The following NCOR1 variants were observed in gnomAD, a reference collection of about 807,000 sequenced individuals.
NCOR1 encodes the protein protein phosphatase 1, regulatory subunit 109.
Under a neutral mutation model 288.1 loss-of-function variants are expected in NCOR1, and 63 were observed. That is an observed-to-expected ratio of 0.22 (90% CI 0.18 to 0.27). The LOEUF is 0.27. Ranked by LOEUF, NCOR1 falls within the 10% of genes least tolerant of loss-of-function variation. The pLI is 1.00. For synonymous variants in NCOR1, 1,007 were observed against 1,065.9 expected, an observed-to-expected ratio of 0.94 and a Z score of 1.08; for missense variants, 2,397 against 3,019.2, an observed-to-expected ratio of 0.79 and a Z score of 4.83.
At chr17:16,121,962 G>A (rs924838481) in intron 15 of NCOR1, among the ~76,000 whole-genome samples, 1 of 152,158 alleles carries the variant, frequency 6.6e-6, no homozygotes, top group African/African-American at 2.4e-5. Context: ...TCTGTACAAT[G>A]AGAAAAAGTT....
intron 3 of NCOR1, among the ~76,000 whole-genome samples, chr17:16,184,417 T>G (rs990951451): frequency 1.3e-5 from 2 of 152,204 alleles, no homozygotes; most frequent in African/African-American, 4.8e-5. Context: ...TGAATAGACA[T>G]TTCTCAAAAG....
chr17:16,030,023 CTT>C lies in NCOR1; in HGVS notation c.*2271_*2272del, dbSNP rs1026338067. 5.8e-6 allele frequency: 1 copy of C among 171,874 alleles called. No homozygotes were observed. The highest frequency in any genetic ancestry group is 1.3e-5 in the Non-Finnish European group (1 of 79,424). The allele number at this position is 171,874 out of a possible 1,614,324, so 10.6% of individuals were successfully genotyped here. On this transcript the variant is annotated 3_prime_UTR_variant, in exon 46 of 46. Transcript: ENST00000268712. Reference sequence around the variant, plus strand: ...TAAGTAGTCAAAAATCCACATCTAACTTTGACTCCTCCAAAACTTAACTACTC... The same window carrying C: ...TAAGTAGTCAAAAATCCACATCTAACTGACTCCTCCAAAACTTAACTACTC...
chr17:16,137,240 T>C, intron 14 of NCOR1, 71 bp downstream of exon 14: 1 of 916,796 alleles, frequency 1.1e-6, no homozygotes, highest in Non-Finnish European at 1.7e-6. Flanking sequence ...GCAGGACTTC[T>C]GTTTTAACAC....
intron 29 of NCOR1, among the ~76,000 whole-genome samples, chr17:16,071,884 TTGAGA>T (rs1223508895): frequency 6.6e-6 from 1 of 152,240 alleles, no homozygotes; most frequent in African/African-American, 2.4e-5. Flanking sequence ...TTAGGGTTGC[TTGAGA>T]TATGATATTA....
At chr17:16,182,150 A>G (rs1028835294) in intron 3 of NCOR1, among the ~76,000 whole-genome samples, 1 of 152,206 alleles carries the variant, frequency 6.6e-6, no homozygotes, top group African/African-American at 2.4e-5. Context: ...CAATATTCAT[A>G]GTCTATAAAA....
chr17:16,033,394 A>T (rs951520894), intron 45 of NCOR1, among the ~76,000 whole-genome samples: 1 of 152,088 alleles, frequency 6.6e-6, no homozygotes, highest in Non-Finnish European at 1.5e-5. Flanking sequence ...TCAAATAATA[A>T]ATCTCATGTA....
intron 3 of NCOR1, among the ~76,000 whole-genome samples, chr17:16,175,612 C>T (rs534788513): frequency 1.3e-5 from 2 of 151,942 alleles, no homozygotes; most frequent in African/African-American, 4.8e-5. Context: ...CCCTGGTTGC[C>T]GGATGTAGTG....
chr17:16,032,335 G>C lies in NCOR1; in HGVS notation c.7284C>G (p.Leu2428=), dbSNP rs531315363. The C allele has an allele frequency of 2.5e-6, 4 of 1,614,136 alleles. No homozygotes were observed. The highest frequency in any genetic ancestry group is 4.5e-5 in the East Asian group (2 of 44,880). Reference sequence around the variant, plus strand: ...CCGACAGGGTCTCGTACTGTGCTGAGAGCAGTGGGGCAGGCTCTCGCTCCC... The same window carrying C: ...CCGACAGGGTCTCGTACTGTGCTGACAGCAGTGGGGCAGGCTCTCGCTCCC... ...RIWEREPAPL[L]SAQYETLSDS... is the part of the protein sequence containing the mutation. The change falls in exon 46 of 46, where the codon CTC becomes CTG. Residue 2428 remains leucine, a synonymous_variant. Coordinates refer to ENST00000268712, the MANE Select transcript of NCOR1 (RefSeq NM_006311.4).
At chr17:16,104,527 T>C (rs2068225783) in intron 19 of NCOR1, among the ~76,000 whole-genome samples, 1 of 152,140 alleles carries the variant, frequency 6.6e-6, no homozygotes, top group South Asian at 2.1e-4. Flanking sequence ...TCCCAGCACT[T>C]TGGGAAGTTA....
intron 19 of NCOR1, chr17:16,108,290 A>G: frequency 3.2e-6 from 1 of 317,232 alleles, no homozygotes; most frequent in Non-Finnish European, 6.4e-6. Context: ...CTTTCCATGA[A>G]CTTGTCATTA....
chr17:16,081,623 G>A (rs1381733448), intron 23 of NCOR1, among the ~76,000 whole-genome samples: 1 of 152,160 alleles, frequency 6.6e-6, no homozygotes, highest in African/African-American at 2.4e-5. Context: ...TGACTTCTCT[G>A]TTGGTTCTCT....
intron 1 of NCOR1, among the ~76,000 whole-genome samples, chr17:16,206,572 G>A (rs1225372147): frequency 6.6e-6 from 1 of 152,112 alleles, no homozygotes; most frequent in African/African-American, 2.4e-5. Context: ...TTTTAGTAGA[G>A]ATAGGGTTTC....
intron 17 of NCOR1, 145 bp downstream of exon 17, chr17:16,119,278 G>T (rs927262572): frequency 1.9e-5 from 10 of 516,694 alleles, no homozygotes; most frequent in Non-Finnish European, 3.3e-5. Flanking sequence ...TACCAGAAAA[G>T]AACTCTTAAA....
At chr17:16,065,446 T>C (rs762527137) in intron 33 of NCOR1, 39 bp downstream of exon 33, 6 of 1,598,030 alleles carry the variant, frequency 3.8e-6, no homozygotes, top group Non-Finnish European at 5.1e-6. Context: ...TAGGTAAACA[T>C]AATAAATTCT....
At chr17:16,207,203 G>T (rs186059869) in intron 1 of NCOR1, among the ~76,000 whole-genome samples, 301 of 152,236 alleles carry the variant, frequency 2.0e-3, no homozygotes, top group Middle Eastern at 0.01. Flanking sequence ...AAACATCTTT[G>T]AACAGAAACT....
In NCOR1 at chr17:16,064,930, T is replaced by C. The variant is rs373987151; in HGVS notation, c.5041A>G (p.Ile1681Val). The C allele has an allele frequency of 5.0e-6, 8 of 1,613,822 alleles. No homozygotes were observed. The highest frequency in any genetic ancestry group is 3.3e-5 in the South Asian group (3 of 91,072). ...GGGAAAGTAATCTGTGTACCAGGAA[T>C]ATAAGTGATTCTGTCCATGGGAGGA... ...STPPMDRITY[I>V]PGTQITFPPR... The change falls in exon 34 of 46, where the codon ATT becomes GTT. Residue 1681 changes from isoleucine to valine, a missense_variant. Physicochemically the swap from Ile to Val is conservative, Grantham distance 29. This residue lies in a region of NCOR1 where 1,872 missense variants were observed against 2,187.8 expected (regional missense o/e 0.86). Coordinates refer to ENST00000268712, the MANE Select transcript of NCOR1 (RefSeq NM_006311.4).
intron 2 of NCOR1, among the ~76,000 whole-genome samples, chr17:16,191,362 G>C (rs759041843): frequency 6.6e-6 from 1 of 152,028 alleles, no homozygotes; most frequent in Non-Finnish European, 1.5e-5. Flanking sequence ...TTAAAAACAA[G>C]CCTCAAAAGT....
chr17:16,095,989 T>C (rs2066535482), intron 21 of NCOR1, among the ~76,000 whole-genome samples: 1 of 152,046 alleles, frequency 6.6e-6, no homozygotes, highest in South Asian at 2.1e-4. Flanking sequence ...CTAAGAAAAA[T>C]TCTTCTGCCT....
rs574221900 is a variant in NCOR1, at chr17:16,039,438, T to C, written c.6950A>G (p.His2317Arg). Reference sequence around the variant, plus strand: ...CACTAAAATGAAAGCTGTACCTGAATGAGGTGATGGGTCCCCTTCCTCTCT... The same window carrying C: ...CACTAAAATGAAAGCTGTACCTGAACGAGGTGATGGGTCCCCTTCCTCTCT... The part of the protein sequence containing the change: ...TRREEGDPSP[H>R]SGGVCKPKLI... Residue 2317 changes from histidine to arginine, a missense_variant, in exon 44 of 46, where the codon CAT becomes CGT. His to Arg is a conservative substitution (Grantham distance 29). Around this residue, in one of 11 missense-constraint regions of NCOR1, gnomAD observed 1,872 missense variants for 2,187.8 expected, o/e 0.86. Transcript: ENST00000268712. 6 of 1,613,518 alleles carry C rather than the reference T, an allele frequency of 3.7e-6. No individual in the cohort carries two copies. Among genetic ancestry groups the C allele is most frequent in the Non-Finnish European group, 5.1e-6 (6 of 1,179,798 alleles).
Sources: allele counts gnomAD v4.1 joint callset (sites outside exome capture counted in the v4.1 genomes callset), GRCh38; gene constraint gnomAD v4.1.1; regional missense constraint gnomAD v4.1.1; transcripts MANE v1.5; gene names NCBI Gene and HGNC (gene_info 2026-07-23, HGNC 2026-07-21).